The following DRC10 variants were observed in gnomAD, a reference collection of about 807,000 sequenced individuals.
The protein encoded by DRC10 is dynein regulatory complex subunit 10, also known as IQ domain-containing protein D.
chr12:113,209,970 A>G, the DRC10 span, among the ~76,000 whole-genome samples: 2 of 152,204 alleles, frequency 1.3e-5, no homozygotes, highest in Non-Finnish European at 2.9e-5. Flanking sequence ...TAATAAAAAT[A>G]CGAGAGAATG....
At chr12:113,219,379 G>A in the DRC10 span, among the ~76,000 whole-genome samples, 3 of 152,164 alleles carry the variant, frequency 2.0e-5, no homozygotes, top group African/African-American at 4.8e-5. Flanking sequence ...TTTCAGATTG[G>A]TGGTACCAAT....
chr12:113,207,824 A>G, the DRC10 span: 1 of 1,614,056 alleles, frequency 6.2e-7, no homozygotes, highest in East Asian at 2.2e-5. Flanking sequence ...TGCTCCTGCA[A>G]TTGCCTTTCT....
chr12:113,207,958 G>A, the DRC10 span: 48 of 1,613,950 alleles, frequency 3.0e-5, no homozygotes, highest in African/African-American at 1.1e-4. Flanking sequence ...TGCCACATAC[G>A]ACAGCAAGGT....
At chr12:113,216,545 G>C in the DRC10 span, among the ~76,000 whole-genome samples, 11 of 152,194 alleles carry the variant, frequency 7.2e-5, no homozygotes, top group Admixed American at 1.3e-4. Flanking sequence ...GGATGCTGCT[G>C]CTGATGTGTC....
At chr12:113,212,998 C>T in the DRC10 span, among the ~76,000 whole-genome samples, 7 of 151,872 alleles carry the variant, frequency 4.6e-5, no homozygotes, top group Non-Finnish European at 8.8e-5. Context: ...AATTATACCT[C>T]GTCTTCATTC....
At chr12:113,219,073 T>G in the DRC10 span, among the ~76,000 whole-genome samples, 1 of 152,216 alleles carries the variant, frequency 6.6e-6, no homozygotes, top group South Asian at 2.1e-4. Context: ...TCTCACTCTG[T>G]CACATAGACT....
the DRC10 span, among the ~76,000 whole-genome samples, chr12:113,217,119 A>C: frequency 2.8e-4 from 42 of 152,202 alleles, no homozygotes; most frequent in Admixed American, 1.6e-3. Context: ...AGCCTATCTC[A>C]AACCCGTCCT....
chr12:113,201,504 A>G, the DRC10 span, among the ~76,000 whole-genome samples: 1 of 152,154 alleles, frequency 6.6e-6, no homozygotes, highest in East Asian at 1.9e-4. Context: ...ACAGCAGGGG[A>G]GGCCCAGCTG....
chr12:113,213,196 A>C, the DRC10 span, among the ~76,000 whole-genome samples: 32 of 151,336 alleles, frequency 2.1e-4, no homozygotes, highest in Admixed American at 1.9e-3. Flanking sequence ...AAAAAAAAAA[A>C]AAAAAAAACC....
the DRC10 span, among the ~76,000 whole-genome samples, chr12:113,213,627 A>G: frequency 1.3e-5 from 2 of 152,172 alleles, no homozygotes; most frequent in African/African-American, 4.8e-5. Flanking sequence ...CAGGGCCTGC[A>G]CCCCATCAGC....
the DRC10 span, chr12:113,208,410 T>G: frequency 1.0e-3 from 1,302 of 1,284,230 alleles, 14 homozygotes; most frequent in African/African-American, 0.018. Context: ...AGTTTTCAGC[T>G]TTGTGAGGGT....
At chr12:113,199,087 G>A in the DRC10 span, among the ~76,000 whole-genome samples, 105 of 152,116 alleles carry the variant, frequency 6.9e-4, no homozygotes, top group African/African-American at 2.4e-3. Context: ...ACAGGTGCAT[G>A]CCACCACGCC....
At chr12:113,209,132 A>G in the DRC10 span, among the ~76,000 whole-genome samples, 4 of 138,378 alleles carry the variant, frequency 2.9e-5, no homozygotes, top group East Asian at 6.9e-4. Context: ...GGGTTTTGCC[A>G]TGTTTGCCAG....
At chr12:113,210,011 G>A in the DRC10 span, among the ~76,000 whole-genome samples, 51 of 152,240 alleles carry the variant, frequency 3.3e-4, no homozygotes, top group Admixed American at 7.2e-4. Flanking sequence ...CTGTTACTCA[G>A]GTTAACCCCA....
At chr12:113,212,706 G>C in the DRC10 span, among the ~76,000 whole-genome samples, 2 of 152,224 alleles carry the variant, frequency 1.3e-5, no homozygotes, top group African/African-American at 4.8e-5. Flanking sequence ...ACAAGATAAA[G>C]CCCGTGGAAC....
chr12:113,219,896 C>T, the DRC10 span, among the ~76,000 whole-genome samples: 1 of 152,186 alleles, frequency 6.6e-6, no homozygotes, highest in Non-Finnish European at 1.5e-5. Flanking sequence ...GCAACCTCCA[C>T]CACCCGGGTT....
chr12:113,203,738 A>G, the DRC10 span, among the ~76,000 whole-genome samples: 2 of 150,244 alleles, frequency 1.3e-5, no homozygotes, highest in Non-Finnish European at 1.5e-5. Flanking sequence ...AGCCTCCCAA[A>G]GTGCTGGGAT....
At chr12:113,200,668 G>T in the DRC10 span, 1 of 1,536,180 alleles carries the variant, frequency 6.5e-7, no homozygotes, top group Admixed American at 2.0e-5. Context: ...CTGGATCTTG[G>T]CCACCCTGGC....
At chr12:113,197,017 T>C in the DRC10 span, among the ~76,000 whole-genome samples, 1 of 152,178 alleles carries the variant, frequency 6.6e-6, no homozygotes, top group African/African-American at 2.4e-5. Context: ...AAAAACTGGC[T>C]GAGTGACTGA....
Sources: gnomAD v4.1 joint callset for allele counts (sites outside exome capture counted in the v4.1 genomes callset) on GRCh38, gnomAD v4.1.1 for gene constraint, MANE v1.5 for transcripts, NCBI Gene and HGNC (gene_info 2026-07-23, HGNC 2026-07-21) for gene names.